The following TAF4B variants were observed in gnomAD, a reference collection of about 807,000 sequenced individuals.
TAF4B encodes TATA-box binding protein associated factor 4b.
TAF4B carries 38 observed loss-of-function variants against 86.4 expected under a neutral mutation model. The observed-to-expected ratio is 0.44, with a 90% CI of 0.34 to 0.58. The LOEUF (loss-of-function observed/expected upper bound fraction) is 0.58, where lower values mean the gene tolerates loss of function less well. Among genes scored for constraint, TAF4B ranks in the 20% least tolerant of loss-of-function variants. The pLI, the probability that TAF4B is intolerant of heterozygous loss-of-function variation, is 0.02. For synonymous variants in TAF4B, 388 were observed against 391.2 expected, an observed-to-expected ratio of 0.99 and a Z score of 0.10; for missense variants, 988 against 1,027.6, an observed-to-expected ratio of 0.96 and a Z score of 0.53.
At chr18:26,245,016 G>A (rs1213474282) in intron 1 of TAF4B, among the ~76,000 whole-genome samples, 1 of 152,148 alleles carries the variant, frequency 6.6e-6, no homozygotes, top group Non-Finnish European at 1.5e-5. Flanking sequence ...TAGGAAAAGT[G>A]GAAGCTGGTT....
chr18:26,327,494 TA>T (rs1568155203), intron 12 of TAF4B, among the ~76,000 whole-genome samples: 1 of 152,212 alleles, frequency 6.6e-6, no homozygotes, highest in Non-Finnish European at 1.5e-5. Flanking sequence ...AGGTTATGGG[TA>T]AAATTAGTAA....
At chr18:26,253,627 A>G (rs1284970438) in intron 1 of TAF4B, among the ~76,000 whole-genome samples, 1 of 151,986 alleles carries the variant, frequency 6.6e-6, no homozygotes, top group African/African-American at 2.4e-5. Flanking sequence ...TATTTTTTGG[A>G]ATACTTTGTG....
At chr18:26,244,200 C>G (rs2055886295) in intron 1 of TAF4B, among the ~76,000 whole-genome samples, 1 of 152,188 alleles carries the variant, frequency 6.6e-6, no homozygotes, top group South Asian at 2.1e-4. Context: ...ACAGGAAGGC[C>G]TCCTTGAGCT....
At chr18:26,332,397 C>T (rs1014382597) in intron 12 of TAF4B, among the ~76,000 whole-genome samples, 4 of 152,144 alleles carry the variant, frequency 2.6e-5, no homozygotes, top group East Asian at 3.8e-4. Context: ...CGTGCCTTTC[C>T]GTTCAATCTT....
intron 7 of TAF4B, 99 bp downstream of exon 7, chr18:26,286,598 T>C: frequency 7.6e-7 from 1 of 1,311,722 alleles, no homozygotes; most frequent in East Asian, 2.4e-5. Context: ...GGCTATATAC[T>C]GTTTACGGGT....
At chr18:26,325,983 A>G (rs2057000680) in intron 11 of TAF4B, among the ~76,000 whole-genome samples, 1 of 152,256 alleles carries the variant, frequency 6.6e-6, no homozygotes, top group Admixed American at 6.5e-5. Flanking sequence ...TGAATCAACC[A>G]TAAGCAGGGG....
rs551872987 is a variant in TAF4B at position 26,376,102 on chromosome 18, C to G, written c.2422-13743C>G. 2.6e-4 allele frequency among the ~76,000 whole-genome samples: 39 copies of G among 151,948 alleles called. 2 individuals are homozygous for G. Among genetic ancestry groups the G allele is most frequent in the African/African-American group, 9.4e-4 (39 of 41,454 alleles). The stretch of plus-strand genomic sequence containing the variant: ...CACCAGTACCACACTGTCTTGAGTA[C>G]TATAACTTTGTAGTAAGTTTTGAAA... On this transcript the variant is annotated intron_variant, in intron 14 of 14. Transcript: ENST00000269142.
chr18:26,331,871 G>T (rs1404944025), intron 12 of TAF4B, among the ~76,000 whole-genome samples: 1 of 152,128 alleles, frequency 6.6e-6, no homozygotes, highest in African/African-American at 2.4e-5. Flanking sequence ...CAAATCATGT[G>T]TGTCTCTTTT....
At chr18:26,243,054 T>C (rs1368529980) in intron 1 of TAF4B, among the ~76,000 whole-genome samples, 3 of 152,172 alleles carry the variant, frequency 2.0e-5, no homozygotes, top group African/African-American at 7.2e-5. Flanking sequence ...ATCTGACAAT[T>C]ATGTGTCTTG....
intron 1 of TAF4B, among the ~76,000 whole-genome samples, chr18:26,242,519 G>A (rs1436684512): frequency 6.6e-6 from 1 of 152,108 alleles, no homozygotes; most frequent in East Asian, 1.9e-4. Flanking sequence ...GCACACTGAT[G>A]GGTCTTGACT....
chr18:26,255,885 A>T, intron 1 of TAF4B: 1 of 1,265,482 alleles, frequency 7.9e-7, no homozygotes, highest in Non-Finnish European at 1.2e-6. Flanking sequence ...TAAAAAGGAA[A>T]CAACTGGTGT....
At chr18:26,326,916 A>G in intron 11 of TAF4B, 99 bp from the exon 12 acceptor site, 1 of 1,314,398 alleles carries the variant, frequency 7.6e-7, no homozygotes, top group Non-Finnish European at 1.0e-6. Flanking sequence ...CTTCCTATTT[A>G]TGTTGGTATT....
chr18:26,315,192 C>CACACAACCTAAAATGTAT (rs749841898), intron 9 of TAF4B, 37 bp from the exon 10 acceptor site: 1 of 1,332,652 alleles, frequency 7.5e-7, no homozygotes, highest in Non-Finnish European at 1.0e-6. Context: ...CACACACACA[C>CACACAACCTAAAATGTAT]AACCTAAAAT....
At chr18:26,244,964 A>G (rs1434161460) in intron 1 of TAF4B, among the ~76,000 whole-genome samples, 2 of 152,132 alleles carry the variant, frequency 1.3e-5, no homozygotes, top group Non-Finnish European at 2.9e-5. Flanking sequence ...CCAGAGCTGA[A>G]TGTCTTTCCT....
rs954632858 is a variant in TAF4B at position 26,315,489 on chromosome 18, G to T, written c.2002+91G>T. 29 of 857,616 alleles carry T rather than the reference G, an allele frequency of 3.4e-5. 1 individual carries two copies. The highest frequency in any genetic ancestry group is 5.5e-4 in the Middle Eastern group (2 of 3,612). The allele number at this position is 857,616 out of a possible 1,614,324, so 53.1% of individuals were successfully genotyped here. On this transcript the variant is annotated intron_variant, in intron 10 of 14. Coordinates refer to ENST00000269142, the MANE Select transcript of TAF4B (RefSeq NM_005640.3). The stretch of plus-strand genomic sequence containing the variant: ...GAGACAACCTGGGTTGGTTGTCCTG[G>T]AACTCTGAGGCTTAAATAAGATTCT...
intron 14 of TAF4B, among the ~76,000 whole-genome samples, chr18:26,379,156 T>C (rs1330141598): frequency 6.6e-6 from 1 of 152,114 alleles, no homozygotes; most frequent in African/African-American, 2.4e-5. Context: ...CCTTTAGCAA[T>C]GTACTTTTAT....
At chr18:26,389,573 G>A (rs983732093) in intron 14 of TAF4B, among the ~76,000 whole-genome samples, 8 of 152,208 alleles carry the variant, frequency 5.3e-5, no homozygotes, top group African/African-American at 1.9e-4. Flanking sequence ...TGGAAAGAAT[G>A]GAGCAAAGTA....
At chr18:26,387,830 T>C (rs1175114282) in intron 14 of TAF4B, among the ~76,000 whole-genome samples, 3 of 152,186 alleles carry the variant, frequency 2.0e-5, no homozygotes, top group Non-Finnish European at 2.9e-5. Flanking sequence ...TGCGACATCA[T>C]GTCCCTCAAA....
intron 13 of TAF4B, among the ~76,000 whole-genome samples, chr18:26,350,742 C>G (rs118083437): frequency 0.019 from 2,949 of 152,242 alleles, 41 homozygotes; most frequent in Non-Finnish European, 0.032. Context: ...CAAAAGAAGA[C>G]ATGCAAACAG....
Sources: gnomAD v4.1 joint callset for allele counts (sites outside exome capture counted in the v4.1 genomes callset) on GRCh38, gnomAD v4.1.1 for gene constraint, MANE v1.5 for transcripts, NCBI Gene and HGNC (gene_info 2026-07-23, HGNC 2026-07-21) for gene names.